Variants in MARS1 observed in about 807,000 individuals in gnomAD.
MARS1 encodes the protein methionyl-tRNA synthetase 1.
MARS1 carries 80 observed loss-of-function variants against 119.5 expected under a neutral mutation model. The observed-to-expected ratio is 0.67, with a 90% CI of 0.56 to 0.81. MARS1 has a LOEUF of 0.81. MARS1 is among the 30% of genes least tolerant of loss of function. The probability of loss-of-function intolerance (pLI) is 0.00; values close to 1 mark genes in which losing one functional copy is unlikely to be tolerated. For synonymous variants in MARS1, 418 were observed against 433.4 expected, an observed-to-expected ratio of 0.96 and a Z score of 0.44; for missense variants, 945 against 1,116.5, an observed-to-expected ratio of 0.85 and a Z score of 2.19.
chr12:57,512,122 G>C lies in MARS1; in HGVS notation c.1635+19G>C, dbSNP rs752110506. On this transcript the variant is annotated intron_variant, in intron 13 of 20. Transcript: ENST00000262027. Reference sequence around the variant, plus strand: ...AGAGCAAGTGAGCAGTTCTTGGTTAGGCTGTGCATGGGGAGGGTAGGCGGT... The same window carrying C: ...AGAGCAAGTGAGCAGTTCTTGGTTACGCTGTGCATGGGGAGGGTAGGCGGT... The C allele has an allele frequency of 1.2e-6, 2 of 1,612,140 alleles. No homozygotes were observed. The highest frequency in any genetic ancestry group is 2.7e-5 in the African/African-American group (2 of 74,890).
chr12:57,510,868 A>AGTTTGAG (rs1349010660), intron 11 of MARS1, among the ~76,000 whole-genome samples: 2 of 152,086 alleles, frequency 1.3e-5, no homozygotes, highest in African/African-American at 4.8e-5. Context: ...TGACCCCAGG[A>AGTTTGAG]GTTTGAGACC....
chr12:57,507,143 T>C (rs945432468), intron 11 of MARS1, among the ~76,000 whole-genome samples: 2 of 152,152 alleles, frequency 1.3e-5, no homozygotes, highest in Admixed American at 6.5e-5. Context: ...ACACAGCACA[T>C]GTTTCAGAGA....
rs1241922651 is a variant in MARS1 at position 57,516,564 on chromosome 12, G to C, written c.2686G>C (p.Gly896Arg). 5 of 1,578,708 alleles carry C rather than the reference G, an allele frequency of 3.2e-6. No homozygotes were observed. Among genetic ancestry groups the C allele is most frequent in the Non-Finnish European group, 4.3e-6 (5 of 1,169,862 alleles). The change falls in exon 21 of 21, where the codon GGC (glycine) becomes CGC (arginine). Residue 896 changes from glycine (G) to arginine (R), a missense_variant. Coordinates refer to ENST00000262027, the MANE Select transcript of MARS1 (RefSeq NM_004990.4). Reference sequence around the variant, plus strand: ...GGGGAAACCCCCTGAAGCCCCTAAAGGCAAGAAGAAAAAGTAAAAGACCTT... The same window carrying C: ...GGGGAAACCCCCTGAAGCCCCTAAACGCAAGAAGAAAAAGTAAAAGACCTT... ...AEGKPPEAPK[G>R]KKKK is the part of the protein sequence containing the mutation.
intron 10 of MARS1, among the ~76,000 whole-genome samples, chr12:57,503,025 CAAA>C (rs1379060918): frequency 4.1e-4 from 62 of 151,998 alleles, no homozygotes; most frequent in African/African-American, 1.4e-3. Flanking sequence ...GACTTCGTCT[CAAA>C]AACAACAACA....
intron 10 of MARS1, among the ~76,000 whole-genome samples, chr12:57,502,330 T>C (rs1876953963): frequency 6.6e-6 from 1 of 152,014 alleles, no homozygotes; most frequent in African/African-American, 2.4e-5. Context: ...AGAAGTCAGG[T>C]AGACAGTTGG....
At chr12:57,488,285 C>CT in intron 1 of MARS1, 86 bp downstream of exon 1, 1 of 1,290,718 alleles carries the variant, frequency 7.7e-7, no homozygotes. Flanking sequence ...TGCCAAACCC[C>CT]TAGCCCTCGC....
At chr12:57,495,026 C>T (rs1876518928) in intron 7 of MARS1, among the ~76,000 whole-genome samples, 2 of 152,168 alleles carry the variant, frequency 1.3e-5, no homozygotes, top group African/African-American at 4.8e-5. Context: ...CTGGGTACAC[C>T]TCCCAGATGG....
At chr12:57,502,774 TC>T (rs1876990303) in intron 10 of MARS1, among the ~76,000 whole-genome samples, 1 of 146,520 alleles carries the variant, frequency 6.8e-6, no homozygotes, top group Admixed American at 6.9e-5. Flanking sequence ...ACGCCTGTAG[TC>T]CGCGCACTTT....
chr12:57,493,448 T>C (rs867938435), intron 7 of MARS1, among the ~76,000 whole-genome samples: 77 of 1,430 alleles, frequency 0.054, 25 homozygotes, highest in African/African-American at 0.067. Flanking sequence ...TTACATAATA[T>C]ATAATATATT....
At chr12:57,490,128 C>T (rs1013201904) in intron 5 of MARS1, 79 bp from the exon 6 acceptor site, 35 of 1,523,288 alleles carry the variant, frequency 2.3e-5, no homozygotes, top group African/African-American at 4.2e-5. Context: ...GGAGAAACCT[C>T]ACAAAGAAGG....
intron 11 of MARS1, chr12:57,511,460 C>A: frequency 1.9e-6 from 1 of 528,716 alleles, no homozygotes; most frequent in South Asian, 2.2e-5. Flanking sequence ...ACCTGTGGTC[C>A]CAGCTACTGG....
intron 18 of MARS1, 117 bp downstream of exon 18, chr12:57,515,453 TTC>T: frequency 3.0e-6 from 3 of 994,206 alleles, no homozygotes; most frequent in Non-Finnish European, 4.4e-6. Flanking sequence ...ACTCCTAAGT[TTC>T]TGATATAAAG....
At chr12:57,514,889 T>C in intron 16 of MARS1, 38 bp downstream of exon 16, 2 of 1,613,404 alleles carry the variant, frequency 1.2e-6, no homozygotes, top group Non-Finnish European at 1.7e-6. Context: ...TGCTGGCATG[T>C]TGAGAGCCTC....
chr12:57,501,727 C>T (rs1876924758), intron 10 of MARS1, among the ~76,000 whole-genome samples: 1 of 151,888 alleles, frequency 6.6e-6, no homozygotes, highest in Non-Finnish European at 1.5e-5. Flanking sequence ...GAGGCTGAAG[C>T]TTGAGAATCA....
intron 7 of MARS1, among the ~76,000 whole-genome samples, chr12:57,491,338 C>G (rs773432919): frequency 6.6e-6 from 1 of 152,288 alleles, no homozygotes; most frequent in Admixed American, 6.5e-5. Flanking sequence ...AACCTGTTAC[C>G]TTTCCTGCTA....
intron 11 of MARS1, among the ~76,000 whole-genome samples, chr12:57,507,600 C>T (rs1474335547): frequency 3.0e-5 from 4 of 135,504 alleles, no homozygotes; most frequent in Admixed American, 1.4e-4. Flanking sequence ...GGCGGCTGGC[C>T]GGGCGGGGGT....
chr12:57,514,685 T>C, intron 15 of MARS1, 35 bp from the exon 16 acceptor site: 1 of 1,613,064 alleles, frequency 6.2e-7, no homozygotes. Flanking sequence ...ACTTCCCCTC[T>C]TTTTTCCACT....
Position 57,490,275 on chromosome 12 carries a change from G to A in MARS1, c.559G>A (p.Glu187Lys). The part of the protein sequence containing the change: ...STQEPCQRAA[E>K]TVLKQQGVLA... ...CCAGGAACCATGTCAGCGAGCTGCA[G>A]AGACTGTACTGAAACAGCAAGGTGT... The change falls in exon 6 of 21, where the codon GAG becomes AAG. Residue 187 changes from glutamate to lysine, a missense_variant. By Grantham distance (56) the Glu-to-Lys change is moderately conservative. Transcript: ENST00000262027. The A allele has an allele frequency of 6.2e-7, 1 of 1,613,604 alleles. No homozygotes were observed. The highest frequency in any genetic ancestry group is 8.5e-7 in the Non-Finnish European group (1 of 1,180,030).
chr12:57,510,037 G>A (rs1432817848), intron 11 of MARS1, among the ~76,000 whole-genome samples: 2 of 151,562 alleles, frequency 1.3e-5, no homozygotes, highest in African/African-American at 4.9e-5. Context: ...CTAGAGACAG[G>A]GTCTCACTCT....
Sources: allele counts gnomAD v4.1 joint callset (sites outside exome capture counted in the v4.1 genomes callset), GRCh38; gene constraint gnomAD v4.1.1; transcripts MANE v1.5; gene names NCBI Gene and HGNC (gene_info 2026-07-23, HGNC 2026-07-21).